Variants in TMEM132D observed in about 807,000 individuals in gnomAD.
The protein encoded by TMEM132D is transmembrane protein 132D.
TMEM132D carries 21 observed loss-of-function variants against 62.3 expected under a neutral mutation model. The ratio of observed to expected loss-of-function variants is 0.34; its 90% confidence interval spans 0.24 to 0.49. The LOEUF (loss-of-function observed/expected upper bound fraction) is 0.49. TMEM132D is among the 20% of genes least tolerant of loss of function. The pLI is 0.99. For synonymous variants in TMEM132D, 621 were observed against 575.6 expected, an observed-to-expected ratio of 1.08 and a Z score of -1.13; for missense variants, 1,346 against 1,402.8, an observed-to-expected ratio of 0.96 and a Z score of 0.65.
At chr12:129,757,663 C>G (rs1470301293) in intron 1 of TMEM132D, among the ~76,000 whole-genome samples, 1 of 152,144 alleles carries the variant, frequency 6.6e-6, no homozygotes, top group Non-Finnish European at 1.5e-5. Flanking sequence ...GAGCTGCCAC[C>G]CTACAGCAGC....
Position 129,239,481 on chromosome 12 carries a change from C to T in TMEM132D, c.1300-29818G>A, listed in dbSNP as rs559359484. ...TGATGAAATGACTGAACAGTGTCCT[C>T]GCAAAAGATATGTGCAAGTTCTAAC... is the stretch of plus-strand genomic sequence containing the variant. On this transcript the variant is annotated intron_variant, in intron 4 of 8. Transcript: ENST00000422113. 2.2e-4 allele frequency among the ~76,000 whole-genome samples: 34 copies of T among 152,264 alleles called. No individual in the cohort carries two copies. The South Asian group carries it at 6.2e-3, about 28-fold the overall frequency.
chr12:129,768,010 C>T (rs964712345), intron 1 of TMEM132D, among the ~76,000 whole-genome samples: 25 of 152,234 alleles, frequency 1.6e-4, no homozygotes, highest in African/African-American at 5.5e-4. Flanking sequence ...TCTTGTAAGA[C>T]TTATTCACTA....
At chr12:129,588,634 G>A (rs1433445691) in intron 2 of TMEM132D, among the ~76,000 whole-genome samples, 1 of 151,734 alleles carries the variant, frequency 6.6e-6, no homozygotes, top group Non-Finnish European at 1.5e-5. Flanking sequence ...GAGTGCAGTG[G>A]CGCCATCTCC....
At position 129,195,036 on chromosome 12, in the gene TMEM132D, A is replaced by G. The variant is rs546166492; in HGVS notation, c.1443+14484T>C. On this transcript the variant is annotated intron_variant, in intron 5 of 8. Coordinates refer to ENST00000422113, the MANE Select transcript of TMEM132D (RefSeq NM_133448.3). Reference sequence around the variant, plus strand: ...AACCAACCAGTCCTCACCCTTGTAGAGGTGGACAATGAACAGATAACAAGC... The same window carrying G: ...AACCAACCAGTCCTCACCCTTGTAGGGGTGGACAATGAACAGATAACAAGC... Among the ~76,000 whole-genome samples the G allele has an allele frequency of 2.0e-5, 3 of 152,348 alleles. No homozygotes were observed. The East Asian group carries it at 5.8e-4, about 29-fold the overall frequency.
chr12:129,605,612 CAT>C (rs1182628228), intron 2 of TMEM132D, among the ~76,000 whole-genome samples: 108 of 77,248 alleles, frequency 1.4e-3, no homozygotes, highest in African/African-American at 3.9e-3. Flanking sequence ...TATACACACA[CAT>C]ATATATATAC....
At chr12:129,568,299 C>G (rs1877421644) in intron 2 of TMEM132D, among the ~76,000 whole-genome samples, 1 of 152,216 alleles carries the variant, frequency 6.6e-6, no homozygotes, top group South Asian at 2.1e-4. Flanking sequence ...TGCTACCAGG[C>G]AACTTACACG....
At chr12:129,389,241 C>G (rs1404289989) in intron 3 of TMEM132D, among the ~76,000 whole-genome samples, 1 of 151,920 alleles carries the variant, frequency 6.6e-6, no homozygotes, top group African/African-American at 2.4e-5. Flanking sequence ...AAGAACAACA[C>G]TAATACTAAC....
intron 2 of TMEM132D, among the ~76,000 whole-genome samples, chr12:129,667,801 A>G (rs560118649): frequency 6.6e-6 from 1 of 152,112 alleles, no homozygotes; most frequent in African/African-American, 2.4e-5. Context: ...ATATTTGTGC[A>G]AATGTGTTGT....
At chr12:129,183,618 C>T (rs1878132534) in intron 5 of TMEM132D, among the ~76,000 whole-genome samples, 1 of 152,238 alleles carries the variant, frequency 6.6e-6, no homozygotes, top group South Asian at 2.1e-4. Flanking sequence ...TTTGTTGCGG[C>T]TACCTAAAAG....
At chr12:129,434,543 C>T (rs549859106) in intron 3 of TMEM132D, among the ~76,000 whole-genome samples, 1 of 152,252 alleles carries the variant, frequency 6.6e-6, no homozygotes, top group East Asian at 1.9e-4. Context: ...TGTCTCAGTA[C>T]TGACCCAGGC....
intron 4 of TMEM132D, among the ~76,000 whole-genome samples, chr12:129,296,892 G>C (rs1881592695): frequency 6.6e-6 from 1 of 152,214 alleles, no homozygotes; most frequent in Admixed American, 6.5e-5. Context: ...ATTGCTCACT[G>C]TTGCCAGACT....
intron 4 of TMEM132D, among the ~76,000 whole-genome samples, chr12:129,333,861 C>T (rs962552464): frequency 2.0e-5 from 3 of 152,206 alleles, no homozygotes; most frequent in African/African-American, 7.2e-5. Context: ...TGGCTCATGC[C>T]TGTAATTCCA....
chr12:129,797,726 T>A (rs997747607), intron 1 of TMEM132D, among the ~76,000 whole-genome samples: 7 of 152,208 alleles, frequency 4.6e-5, no homozygotes, highest in South Asian at 2.1e-4. Context: ...CCAACAGACA[T>A]GTCCCTGGAT....
intron 4 of TMEM132D, chr12:129,262,663 C>T (rs1319631341): frequency 6.6e-6 from 1 of 152,208 alleles, no homozygotes; most frequent in African/African-American, 2.4e-5. Context: ...AACAAGGCAA[C>T]ATGGCCCAAG....
At chr12:129,424,187 C>G (rs1339367436) in intron 3 of TMEM132D, among the ~76,000 whole-genome samples, 1 of 122,378 alleles carries the variant, frequency 8.2e-6, no homozygotes, top group Non-Finnish European at 1.7e-5. Flanking sequence ...AAGAAGCGAT[C>G]TGTAAATTTT....
At chr12:129,465,880 A>C (rs573665351) in intron 3 of TMEM132D, among the ~76,000 whole-genome samples, 1 of 152,190 alleles carries the variant, frequency 6.6e-6, no homozygotes, top group East Asian at 1.9e-4. Context: ...ATGGGGTTTC[A>C]CCACGTTGGC....
intron 3 of TMEM132D, among the ~76,000 whole-genome samples, chr12:129,409,125 G>A (rs1171670963): frequency 6.6e-6 from 1 of 152,064 alleles, no homozygotes; most frequent in Non-Finnish European, 1.5e-5. Flanking sequence ...TAGACACGGG[G>A]TTTCACCATG....
rs147362031 is a variant in TMEM132D, at chr12:129,296,047, T to C, written c.1299+41587A>G. 6.1e-4 allele frequency among the ~76,000 whole-genome samples: 92 copies of C among 150,366 alleles called. 1 individual carries two copies. The East Asian group carries it at 0.017, about 28-fold the overall frequency. Reference sequence around the variant, plus strand: ...ACATATATATGAACATGCACACACATATATACATCTATATGAACATGCACA... The same window carrying C: ...ACATATATATGAACATGCACACACACATATACATCTATATGAACATGCACA... On this transcript the variant is annotated intron_variant, in intron 4 of 8. Coordinates refer to ENST00000422113, the MANE Select transcript of TMEM132D (RefSeq NM_133448.3).
At chr12:129,509,722 G>A (rs1037865841) in intron 3 of TMEM132D, among the ~76,000 whole-genome samples, 1 of 152,130 alleles carries the variant, frequency 6.6e-6, no homozygotes, top group Non-Finnish European at 1.5e-5. Flanking sequence ...AACATGCAAT[G>A]TTTGTCTTTC....
Sources: allele counts gnomAD v4.1 joint callset (sites outside exome capture counted in the v4.1 genomes callset), GRCh38; gene constraint gnomAD v4.1.1; transcripts MANE v1.5; gene names NCBI Gene and HGNC (gene_info 2026-07-23, HGNC 2026-07-21).